Variants in SNX29 observed in about 807,000 individuals in gnomAD.
The protein encoded by SNX29 is sorting nexin-29.
SNX29 carries 78 observed loss-of-function variants against 102.1 expected under a neutral mutation model. The observed-to-expected ratio is 0.76, with a 90% confidence interval of 0.64 to 0.92. The LOEUF is 0.92. SNX29 is among the 40% of genes least tolerant of loss of function. SNX29 has a pLI of 0.00. For missense variants in SNX29, 1,280 were observed against 1,061.7 expected (o/e 1.21, Z -2.86); for synonymous variants, 580 against 414.5 (o/e 1.40, Z -4.85).
chr16:12,254,193 C>T (rs1186808638), intron 14 of SNX29, among the ~76,000 whole-genome samples: 1 of 152,086 alleles, frequency 6.6e-6, no homozygotes. Flanking sequence ...ATCAAGAGTT[C>T]AGTTAGTATG....
chr16:12,543,028 C>G (rs62026887), intron 20 of SNX29, among the ~76,000 whole-genome samples: 17,671 of 152,140 alleles, frequency 0.12, 1,322 homozygotes, highest in Non-Finnish European at 0.16. Context: ...ATGGCTGGAT[C>G]CAGAGGCTCA....
chr16:12,442,477 T>C (rs1004121479), intron 18 of SNX29, among the ~76,000 whole-genome samples: 1 of 152,224 alleles, frequency 6.6e-6, no homozygotes, highest in Non-Finnish European at 1.5e-5. Context: ...ATAGTAAATA[T>C]TTTATGTCTT....
chr16:12,450,574 T>A (rs74009076), intron 18 of SNX29, among the ~76,000 whole-genome samples: 2,302 of 152,190 alleles, frequency 0.015, 78 homozygotes, highest in African/African-American at 0.054. Context: ...ATAGGCTCTG[T>A]CCAGCACACA....
chr16:12,410,978 C>G (rs1346362433), intron 18 of SNX29, among the ~76,000 whole-genome samples: 4 of 152,116 alleles, frequency 2.6e-5, no homozygotes, highest in African/African-American at 9.7e-5. Flanking sequence ...ACAGCTCTGT[C>G]TTTATGCTTG....
intron 16 of SNX29, among the ~76,000 whole-genome samples, chr16:12,358,013 T>G (rs1401653169): frequency 1.3e-5 from 2 of 152,240 alleles, no homozygotes; most frequent in Non-Finnish European, 2.9e-5. Context: ...TGTCAGGAGA[T>G]GCCTAATGTT....
chr16:12,126,570 G>T (rs1162630576), intron 11 of SNX29, 63 bp from the exon 12 acceptor site: 1 of 1,534,250 alleles, frequency 6.5e-7, no homozygotes, highest in East Asian at 2.3e-5. Context: ...ATCCAGAGAG[G>T]TGAGGGCATG....
chr16:12,383,435 TTTTTTTC>T (rs756255274), intron 16 of SNX29, among the ~76,000 whole-genome samples: 4 of 152,140 alleles, frequency 2.6e-5, no homozygotes, highest in Admixed American at 6.6e-5. Context: ...GTCACTTTCT[TTTTTTTC>T]TTTTTTCTTT....
At chr16:12,229,762 A>T (rs1005118856) in intron 14 of SNX29, among the ~76,000 whole-genome samples, 23 of 152,268 alleles carry the variant, frequency 1.5e-4, no homozygotes, top group African/African-American at 5.5e-4. Flanking sequence ...AAAAGGGATG[A>T]ACTGAGCTGA....
At chr16:12,153,476 A>G (rs2055389516) in intron 13 of SNX29, among the ~76,000 whole-genome samples, 1 of 151,134 alleles carries the variant, frequency 6.6e-6, no homozygotes, top group Non-Finnish European at 1.5e-5. Context: ...AAAAAAACAA[A>G]AAACAAAAAA....
chr16:12,210,095 G>C (rs1456172607), intron 14 of SNX29, among the ~76,000 whole-genome samples: 2 of 152,138 alleles, frequency 1.3e-5, no homozygotes, highest in East Asian at 3.8e-4. Context: ...CCTCTGTCCA[G>C]CCCTCAATCC....
At chr16:12,539,422 T>G (rs745497015) in intron 20 of SNX29, among the ~76,000 whole-genome samples, 1 of 152,154 alleles carries the variant, frequency 6.6e-6, no homozygotes, top group African/African-American at 2.4e-5. Flanking sequence ...GTTGGGTGAG[T>G]CAGCAGTGTT....
chr16:12,380,487 C>T (rs2083045511), intron 16 of SNX29, among the ~76,000 whole-genome samples: 1 of 124,820 alleles, frequency 8.0e-6, no homozygotes, highest in Non-Finnish European at 1.8e-5. Context: ...ACCCACCCAC[C>T]ATCCATCCAC....
At chr16:12,207,648 C>T (rs1382240555) in intron 14 of SNX29, among the ~76,000 whole-genome samples, 3 of 152,152 alleles carry the variant, frequency 2.0e-5, no homozygotes, top group Non-Finnish European at 4.4e-5. Flanking sequence ...CATCCAGTCT[C>T]CTTTCCTAGA....
chr16:12,320,801 A>T (rs2080906766), intron 15 of SNX29, among the ~76,000 whole-genome samples: 1 of 152,224 alleles, frequency 6.6e-6, no homozygotes, highest in Non-Finnish European at 1.5e-5. Flanking sequence ...TTGTGATCTA[A>T]TCAGAATCGT....
At chr16:12,470,121 C>T (rs138081260) in intron 18 of SNX29, among the ~76,000 whole-genome samples, 253 of 152,310 alleles carry the variant, frequency 1.7e-3, no homozygotes, top group African/African-American at 5.9e-3. Flanking sequence ...TTTTTCTGTA[C>T]GTCCAAGAAA....
intron 14 of SNX29, among the ~76,000 whole-genome samples, chr16:12,215,045 T>A (rs1211904976): frequency 1.3e-5 from 2 of 151,920 alleles, no homozygotes; most frequent in Non-Finnish European, 2.9e-5. Context: ...AATAAATGAG[T>A]GAGTGAATGC....
At chr16:12,003,486 G>A (rs1309107731) in intron 3 of SNX29, among the ~76,000 whole-genome samples, 1 of 152,108 alleles carries the variant, frequency 6.6e-6, no homozygotes, top group Non-Finnish European at 1.5e-5. Flanking sequence ...CATAGGTAGT[G>A]ATTTAAAAAT....
At chr16:12,453,290 A>G (rs915022180) in intron 18 of SNX29, among the ~76,000 whole-genome samples, 1 of 152,160 alleles carries the variant, frequency 6.6e-6, no homozygotes, top group Non-Finnish European at 1.5e-5. Context: ...CATCCCCCAC[A>G]TGACCACCAT....
At chr16:12,244,801 C>G (rs1283358250) in intron 14 of SNX29, among the ~76,000 whole-genome samples, 3 of 152,128 alleles carry the variant, frequency 2.0e-5, no homozygotes, top group African/African-American at 4.8e-5. Flanking sequence ...AAGAAGATCC[C>G]TGGTTAATGC....
Sources: gnomAD v4.1 joint callset for allele counts (sites outside exome capture counted in the v4.1 genomes callset) on GRCh38, gnomAD v4.1.1 for gene constraint, MANE v1.5 for transcripts, NCBI Gene and HGNC (gene_info 2026-07-23, HGNC 2026-07-21) for gene names.